Variants in MTA1 observed in about 807,000 individuals in gnomAD.
MTA1 encodes metastasis-associated protein MTA1.
MTA1 carries 15 observed loss-of-function variants against 97.0 expected under a neutral mutation model. That is an observed-to-expected ratio of 0.15 (90% CI 0.10 to 0.24). MTA1 has a LOEUF of 0.24. Among genes scored for constraint, MTA1 ranks in the 10% least tolerant of loss-of-function variants. The pLI is 1.00. For synonymous variants in MTA1, 435 were observed against 417.5 expected (o/e 1.04, Z -0.51); for missense variants, 709 against 1,015.1 (o/e 0.70, Z 4.10).
chr14:105,449,520 C>T (rs2082842104), intron 4 of MTA1, 111 bp downstream of exon 4: 1 of 1,219,462 alleles, frequency 8.2e-7, no homozygotes, highest in South Asian at 1.5e-5. Context: ...TGCCTGTGCC[C>T]TGCGCCCGGC....
chr14:105,463,054 C>T lies in MTA1; in HGVS notation c.943-130C>T. 3 of 873,428 alleles carry T rather than the reference C, an allele frequency of 3.4e-6. No individual in the cohort carries two copies. Among genetic ancestry groups the T allele is most frequent in the Non-Finnish European group, 5.5e-6 (3 of 545,864 alleles). The allele number at this position is 873,428 out of a possible 1,614,324, so 54.1% of individuals were successfully genotyped here. ...TGCCAGCAGGGGCCTGGCCTCCGTG[C>T]ACCAAGCACACCTCGCCCTCTGGCC... On this transcript the variant is annotated intron_variant, in intron 10 of 20. Coordinates refer to ENST00000331320, the MANE Select transcript of MTA1 (RefSeq NM_004689.4). The surrounding 1 kb of genome is among the most constrained non-coding windows in gnomAD (Gnocchi z 5.9).
intron 18 of MTA1, chr14:105,468,231 G>C: frequency 1.7e-6 from 2 of 1,168,714 alleles, no homozygotes; most frequent in Non-Finnish European, 1.2e-6. Context: ...CCATTTGCCC[G>C]TGCAGCCTGT....
intron 10 of MTA1, among the ~76,000 whole-genome samples, 179 bp downstream of exon 10, chr14:105,461,132 T>C (rs2083332538): frequency 6.6e-6 from 1 of 152,144 alleles, no homozygotes; most frequent in Non-Finnish European, 1.5e-5. Flanking sequence ...GTCCTTCCTG[T>C]CACACTGGTT....
In MTA1 at chr14:105,460,898, T is replaced by A; in HGVS notation, c.887T>A (p.Phe296Tyr). ...EEWSASEANL[F>Y]EEALEKYGKD... ...TGGTCTGCATCAGAGGCCAACCTTT[T>A]CGAGGAAGCCCTGGAAAAATATGGG... Residue 296 changes from phenylalanine (F) to tyrosine (Y), a missense_variant, in exon 10 of 21, where the codon TTC (phenylalanine) becomes TAC (tyrosine). Physicochemically the swap from Phe to Tyr is conservative, Grantham distance 22. Transcript: ENST00000331320. The A allele has an allele frequency of 6.2e-7, 1 of 1,613,002 alleles. No homozygotes were observed. The highest frequency in any genetic ancestry group is 8.5e-7 in the Non-Finnish European group (1 of 1,179,726).
chr14:105,464,252 A>G, intron 13 of MTA1, 105 bp downstream of exon 13: 1 of 1,405,390 alleles, frequency 7.1e-7, no homozygotes, highest in Non-Finnish European at 9.7e-7. Context: ...CAAGGGGCCC[A>G]CTGACGATGG....
Position 105,458,298 on chromosome 14 carries a change from G to A in MTA1, c.579G>A (p.Arg193=), listed in dbSNP as rs1430974785. ...EGEEDGRDQS[R]LETQVWEAHN... ...AGGAGGATGGCCGAGACCAGTCCAGGTTGGAGACCCAGGTGTGGGAGGCGC... is the reference window on the plus strand; with the variant it reads ...AGGAGGATGGCCGAGACCAGTCCAGATTGGAGACCCAGGTGTGGGAGGCGC... Residue 193 remains arginine, a synonymous_variant, in exon 8 of 21, where the codon AGG becomes AGA. Transcript: ENST00000331320. 5 of 1,612,738 alleles carry A rather than the reference G, an allele frequency of 3.1e-6. No homozygotes were observed. The highest frequency in any genetic ancestry group is 2.2e-5 in the East Asian group (1 of 44,864).
At chr14:105,467,580 C>T in intron 18 of MTA1, 2 of 437,350 alleles carry the variant, frequency 4.6e-6, no homozygotes, top group Non-Finnish European at 4.6e-6. Flanking sequence ...CCCATCTCCA[C>T]CTGTCTGGAC....
At chr14:105,421,295 C>T (rs1040839303) in intron 1 of MTA1, among the ~76,000 whole-genome samples, 5 of 152,206 alleles carry the variant, frequency 3.3e-5, no homozygotes, top group South Asian at 4.1e-4. Flanking sequence ...GCCCACCCCA[C>T]GCTCAGGGAG....
At chr14:105,421,296 G>A (rs1201326154) in intron 1 of MTA1, among the ~76,000 whole-genome samples, 2 of 152,166 alleles carry the variant, frequency 1.3e-5, no homozygotes, top group African/African-American at 2.4e-5. Context: ...CCCACCCCAC[G>A]CTCAGGGAGC....
chr14:105,425,543 C>G (rs986275650), intron 1 of MTA1, among the ~76,000 whole-genome samples: 1 of 152,166 alleles, frequency 6.6e-6, no homozygotes, highest in African/African-American at 2.4e-5. Context: ...CCCAAAGTGC[C>G]GCTGGGTTTG....
At chr14:105,426,855 G>C (rs587663761) in intron 1 of MTA1, among the ~76,000 whole-genome samples, 1 of 152,372 alleles carries the variant, frequency 6.6e-6, no homozygotes, top group East Asian at 1.9e-4. Flanking sequence ...TTGTCACATG[G>C]AGACCCGGCT....
At chr14:105,464,628 C>T (rs1555432044) in intron 14 of MTA1, 46 bp from the exon 15 acceptor site, 1 of 1,608,674 alleles carries the variant, frequency 6.2e-7, no homozygotes, top group East Asian at 2.2e-5. Flanking sequence ...GGTCCTCGGC[C>T]CCCGGTCATG....
At chr14:105,423,005 A>C (rs2081893906) in intron 1 of MTA1, among the ~76,000 whole-genome samples, 1 of 152,128 alleles carries the variant, frequency 6.6e-6, no homozygotes. Flanking sequence ...CCCCAGGGCA[A>C]CGGCGGGATG....
At chr14:105,429,515 G>T (rs1181390480) in intron 1 of MTA1, among the ~76,000 whole-genome samples, 1 of 149,462 alleles carries the variant, frequency 6.7e-6, no homozygotes, top group African/African-American at 2.5e-5. Context: ...GCAGTGGCAC[G>T]ATCTCGGCTC....
At chr14:105,466,989 G>A (rs1268883120) in intron 18 of MTA1, 11 of 568,128 alleles carry the variant, frequency 1.9e-5, no homozygotes, top group Middle Eastern at 4.6e-4. Context: ...GTCCTGGCAC[G>A]TGTGGCCCTG....
At chr14:105,428,693 T>C (rs1008627800) in intron 1 of MTA1, among the ~76,000 whole-genome samples, 4 of 150,158 alleles carry the variant, frequency 2.7e-5, no homozygotes, top group Non-Finnish European at 4.4e-5. Context: ...TGTTAATTTC[T>C]ACAGAAACCA....
chr14:105,423,254 CTG>C (rs1473192407), intron 1 of MTA1, among the ~76,000 whole-genome samples: 15 of 124,072 alleles, frequency 1.2e-4, no homozygotes, highest in African/African-American at 4.4e-4. Flanking sequence ...GAGTCTTGCT[CTG>C]TGGCCCAAGC....
chr14:105,435,272 T>C (rs1555424174), intron 1 of MTA1, among the ~76,000 whole-genome samples: 2 of 152,062 alleles, frequency 1.3e-5, no homozygotes, highest in African/African-American at 2.4e-5. Context: ...ACACTGGTTT[T>C]TGAATGTTTT....
intron 7 of MTA1, chr14:105,454,609 T>C (rs782700561): frequency 1.2e-5 from 3 of 259,530 alleles, no homozygotes; most frequent in South Asian, 5.4e-5. Context: ...CAGTTGTTTT[T>C]CTTTTTCTTT....
Sources: allele counts gnomAD v4.1 joint callset (sites outside exome capture counted in the v4.1 genomes callset), GRCh38; gene constraint gnomAD v4.1.1; non-coding constraint Gnocchi (gnomAD v3.1); transcripts MANE v1.5; gene names NCBI Gene and HGNC (gene_info 2026-07-23, HGNC 2026-07-21).